Variants in SMIM8 observed in about 807,000 individuals in gnomAD.
The protein encoded by SMIM8 is small integral membrane protein 8.
Under a neutral mutation model 8.1 loss-of-function variants are expected in SMIM8, and 8 were observed. That is an observed-to-expected ratio of 0.99 (90% CI 0.58 to 1.78). SMIM8 has a LOEUF of 1.78. Among genes scored for constraint, SMIM8 ranks in the 40% most tolerant of loss-of-function variants. The probability of loss-of-function intolerance (pLI) is 0.00; values close to 1 mark genes in which losing one functional copy is unlikely to be tolerated. For synonymous variants in SMIM8, 45 were observed against 39.7 expected, an observed-to-expected ratio of 1.13 and a Z score of -0.50; for missense variants, 126 against 119.8, an observed-to-expected ratio of 1.05 and a Z score of -0.24.
chr6:87,323,448 C>A (rs775305107), intron 1 of SMIM8, among the ~76,000 whole-genome samples: 43 of 123,648 alleles, frequency 3.5e-4, no homozygotes, highest in Admixed American at 5.0e-4. Flanking sequence ...CAACAGACCT[C>A]AGAGTGTGAT....
At position 87,341,277 on chromosome 6, in the gene SMIM8, G is replaced by C. The variant is rs917313473; in HGVS notation, c.*1003G>C. ...GCATTTTGAAGTGTCTTTTATGGAA[G>C]TGGGGACAGAAATGGGGGTAAAAAT... On this transcript the variant is annotated 3_prime_UTR_variant, in exon 4 of 4. Coordinates refer to ENST00000392863, the MANE Select transcript of SMIM8 (RefSeq NM_001042493.3). The C allele has an allele frequency of 2.0e-5, 8 of 398,314 alleles. No homozygotes were observed. The Admixed American group carries it at 2.6e-4, about 13-fold the overall frequency. 24.7% of individuals were successfully genotyped at this position (398,314 alleles called of 1,614,324 possible). A position where few individuals can be genotyped will look rare whatever the true frequency, so the allele number is the denominator to read the frequency against.
intron 2 of SMIM8, among the ~76,000 whole-genome samples, chr6:87,335,247 A>G (rs926209319): frequency 3.9e-5 from 6 of 152,238 alleles, no homozygotes; most frequent in African/African-American, 1.4e-4. Context: ...GAACCAATCT[A>G]GCACTCAACT....
chr6:87,328,720 G>T lies in SMIM8; in HGVS notation c.-44-1972G>T, dbSNP rs571937555. ...CTGTCTTTTTGTTTGTCTGTGCCCTGCCCCCAGAGGTGGAGCCTACAGAGG... is the reference window on the plus strand; with the variant it reads ...CTGTCTTTTTGTTTGTCTGTGCCCTTCCCCCAGAGGTGGAGCCTACAGAGG... On this transcript the variant is annotated intron_variant, in intron 1 of 3. Transcript: ENST00000392863. Among the ~76,000 whole-genome samples the T allele has an allele frequency of 7.9e-3, 1,210 of 152,280 alleles. 22 individuals carry two copies. The highest frequency in any genetic ancestry group is 0.027 in the African/African-American group (1,106 of 41,560).
At chr6:87,323,033 CTT>C (rs917036421) in intron 1 of SMIM8, 2 of 141,574 alleles carry the variant, frequency 1.4e-5, no homozygotes, top group Non-Finnish European at 2.9e-5. Flanking sequence ...GACACTCGTG[CTT>C]TTTCAGCCCT....
rs114761263 is a variant in SMIM8, at chr6:87,331,142, A to G, written c.-24+430A>G. 9.5e-3 allele frequency among the ~76,000 whole-genome samples: 1,440 copies of G among 152,332 alleles called. 19 individuals carry two copies. The highest frequency in any genetic ancestry group is 0.033 in the African/African-American group (1,356 of 41,566). ...AGTGATAATAACTAGAGATTGGTCA[A>G]TATCATATGTAAGTAAATGAGTGAC... On this transcript the variant is annotated intron_variant, in intron 2 of 3. Transcript: ENST00000392863.
In SMIM8 at chr6:87,340,183, A is replaced by C; in HGVS notation, c.203A>C (p.His68Pro). 6.2e-7 allele frequency: 1 copy of C among 1,611,200 alleles called. No individual in the cohort carries two copies. The highest frequency in any genetic ancestry group is 8.5e-7 in the Non-Finnish European group (1 of 1,178,998). Residue 68 changes from histidine (H) to proline (P), a missense_variant, in exon 4 of 4, where the codon CAT (histidine) becomes CCT (proline). Physicochemically the swap from His to Pro is moderately conservative, Grantham distance 77. Transcript: ENST00000392863. Reference sequence around the variant, plus strand: ...TGCGTGGCATATATTGGTTATCTACATGCAATACAAGAGAATAAAAAGGAC... The same window carrying C: ...TGCGTGGCATATATTGGTTATCTACCTGCAATACAAGAGAATAAAAAGGAC... The part of the protein sequence containing the change: ...SLCVAYIGYL[H>P]AIQENKKDLY...
intron 1 of SMIM8, 187 bp downstream of exon 1, chr6:87,322,819 A>C (rs1776702362): frequency 6.6e-6 from 1 of 152,048 alleles, no homozygotes; most frequent in East Asian, 1.9e-4. Context: ...CCGCACCCCA[A>C]GTCGGTGAAG....
intron 1 of SMIM8, among the ~76,000 whole-genome samples, chr6:87,328,563 C>T (rs970150711): frequency 1.3e-5 from 2 of 151,948 alleles, no homozygotes; most frequent in South Asian, 2.1e-4. Context: ...TTAGGCTGCT[C>T]GGGGGTCAGG....
At chr6:87,329,514 A>C (rs1158449713) in intron 1 of SMIM8, among the ~76,000 whole-genome samples, 1 of 132,860 alleles carries the variant, frequency 7.5e-6, no homozygotes, top group Non-Finnish European at 1.5e-5. Context: ...ACCTCAAGTG[A>C]TCCTGACCTC....
chr6:87,332,516 TTTA>T (rs922906343), intron 2 of SMIM8, among the ~76,000 whole-genome samples: 13 of 148,810 alleles, frequency 8.7e-5, no homozygotes, highest in African/African-American at 2.0e-4. Context: ...TAATATATAA[TTTA>T]TTATGTTAAT....
chr6:87,323,056 G>C (rs1776710245), intron 1 of SMIM8: 1 of 141,616 alleles, frequency 7.1e-6, no homozygotes, highest in South Asian at 2.1e-4. Flanking sequence ...GCAACACAAT[G>C]TGTAGAACTT....
chr6:87,324,291 A>G (rs1776761284), intron 1 of SMIM8, among the ~76,000 whole-genome samples: 1 of 152,138 alleles, frequency 6.6e-6, no homozygotes, highest in African/African-American at 2.4e-5. Context: ...CTATTTGTCA[A>G]TTTTGGCTTT....
At chr6:87,335,170 CA>C (rs1279591851) in intron 2 of SMIM8, among the ~76,000 whole-genome samples, 2 of 152,170 alleles carry the variant, frequency 1.3e-5, no homozygotes, top group Non-Finnish European at 2.9e-5. Flanking sequence ...TAGCAAAACA[CA>C]GGCATGATTC....
chr6:87,324,410 G>T (rs1182410152), intron 1 of SMIM8, among the ~76,000 whole-genome samples: 1 of 151,496 alleles, frequency 6.6e-6, no homozygotes, highest in South Asian at 2.1e-4. Context: ...TAGGTCTAAC[G>T]TTTAAGTCTT....
intron 2 of SMIM8, among the ~76,000 whole-genome samples, 167 bp from the exon 3 acceptor site, chr6:87,336,842 A>C (rs1777122003): frequency 1.3e-5 from 2 of 152,230 alleles, no homozygotes; most frequent in Admixed American, 1.3e-4. Context: ...ATTAAAGTTA[A>C]AGCACCATTT....
intron 1 of SMIM8, among the ~76,000 whole-genome samples, chr6:87,325,045 G>T (rs372442785): frequency 1.6e-3 from 245 of 152,136 alleles, no homozygotes; most frequent in African/African-American, 5.7e-3. Context: ...GTGAATGGGA[G>T]TTCACTCATG....
At chr6:87,328,521 T>G (rs1278491716) in intron 1 of SMIM8, among the ~76,000 whole-genome samples, 1 of 151,700 alleles carries the variant, frequency 6.6e-6, no homozygotes, top group Admixed American at 6.5e-5. Context: ...GTGTGAGGTA[T>G]CAGTCTGCCC....
intron 3 of SMIM8, among the ~76,000 whole-genome samples, chr6:87,338,557 G>A (rs1777158593): frequency 6.6e-6 from 1 of 152,156 alleles, no homozygotes; most frequent in East Asian, 1.9e-4. Flanking sequence ...ATAGCTATTG[G>A]TTGTGTCAGT....
At chr6:87,333,203 G>A (rs1007782760) in intron 2 of SMIM8, among the ~76,000 whole-genome samples, 2 of 152,102 alleles carry the variant, frequency 1.3e-5, no homozygotes, top group Admixed American at 6.5e-5. Context: ...GAGGGGAGGT[G>A]CTAGGCTCTT....
Sources: allele counts gnomAD v4.1 joint callset (sites outside exome capture counted in the v4.1 genomes callset), GRCh38; gene constraint gnomAD v4.1.1; transcripts MANE v1.5; gene names NCBI Gene and HGNC (gene_info 2026-07-23, HGNC 2026-07-21).